The following NPAS3 variants were observed in gnomAD, a reference collection of about 807,000 sequenced individuals.
NPAS3 encodes neuronal PAS domain-containing protein 3.
A neutral mutation model predicts 73.1 loss-of-function variants in NPAS3; 14 were observed. The ratio of observed to expected loss-of-function variants is 0.19; its 90% CI spans 0.13 to 0.30. The LOEUF (loss-of-function observed/expected upper bound fraction) is 0.30, where lower values mean the gene tolerates loss of function less well. Among genes scored for constraint, NPAS3 ranks in the 10% least tolerant of loss-of-function variants. NPAS3 has a pLI of 1.00. For synonymous variants in NPAS3, 620 were observed against 541.5 expected (o/e 1.14, Z -2.01); for missense variants, 1,096 against 1,250.0 (o/e 0.88, Z 1.86).
intron 11 of NPAS3, among the ~76,000 whole-genome samples, chr14:33,799,004 G>A (rs933334084): frequency 1.1e-4 from 16 of 143,888 alleles, no homozygotes; most frequent in Non-Finnish European, 1.2e-4. Flanking sequence ...AATCAGCCAC[G>A]TGTGGTGGTG....
chr14:32,981,019 C>T (rs1402582491), intron 1 of NPAS3, among the ~76,000 whole-genome samples: 2 of 152,104 alleles, frequency 1.3e-5, no homozygotes, highest in Non-Finnish European at 2.9e-5. Flanking sequence ...TCCAGTGGTT[C>T]TTGCTGTTAG....
intron 1 of NPAS3, among the ~76,000 whole-genome samples, chr14:32,971,957 T>TTTTG (rs2037446418): frequency 6.7e-6 from 1 of 149,022 alleles, no homozygotes; most frequent in Non-Finnish European, 1.5e-5. Flanking sequence ...TTTTTTTTTT[T>TTTTG]GAGATGGAGT....
At chr14:33,518,308 T>C (rs1294403526) in intron 4 of NPAS3, among the ~76,000 whole-genome samples, 1 of 151,992 alleles carries the variant, frequency 6.6e-6, no homozygotes, top group Non-Finnish European at 1.5e-5. Context: ...GTGGGAGAGA[T>C]AGGAGTCAGT....
chr14:33,326,832 A>C (rs558425379), intron 3 of NPAS3, among the ~76,000 whole-genome samples: 84 of 152,300 alleles, frequency 5.5e-4, no homozygotes, highest in African/African-American at 1.9e-3. Context: ...TGAGCTTGCA[A>C]AGAAATGTCG....
At chr14:33,413,128 T>C (rs1324818061) in intron 4 of NPAS3, among the ~76,000 whole-genome samples, 2 of 152,196 alleles carry the variant, frequency 1.3e-5, no homozygotes, top group African/African-American at 4.8e-5. Context: ...TCAATTTATC[T>C]CTAGCCTAAA....
chr14:33,355,117 C>T (rs2140363378), intron 3 of NPAS3, among the ~76,000 whole-genome samples: 1 of 152,318 alleles, frequency 6.6e-6, no homozygotes, highest in Middle Eastern at 3.4e-3. Flanking sequence ...CCATGCCTTG[C>T]TCAGCAGTTT....
chr14:33,738,759 G>A (rs1386522221), intron 7 of NPAS3, among the ~76,000 whole-genome samples: 1 of 152,182 alleles, frequency 6.6e-6, no homozygotes, highest in Non-Finnish European at 1.5e-5. Flanking sequence ...TGCCTCAGGG[G>A]CTTCCCTGTT....
chr14:32,936,633 G>C (rs1014973895), upstream of NPAS3, among the ~76,000 whole-genome samples: 1 of 152,142 alleles, frequency 6.6e-6, no homozygotes, highest in African/African-American at 2.4e-5. Flanking sequence ...ATGTCAGATG[G>C]CCTTTGGAAG....
At chr14:33,744,109 T>C (rs2061723855) in intron 7 of NPAS3, among the ~76,000 whole-genome samples, 1 of 152,224 alleles carries the variant, frequency 6.6e-6, no homozygotes, top group Non-Finnish European at 1.5e-5. Flanking sequence ...AACTTTTCCT[T>C]TGCATTCACT....
chr14:33,292,960 G>T (rs1014551188), intron 3 of NPAS3, among the ~76,000 whole-genome samples: 2 of 152,106 alleles, frequency 1.3e-5, no homozygotes, highest in Non-Finnish European at 2.9e-5. Context: ...AGTTGCACAG[G>T]TATATGAGGA....
At chr14:33,752,978 A>T (rs2062008019) in intron 7 of NPAS3, among the ~76,000 whole-genome samples, 1 of 152,174 alleles carries the variant, frequency 6.6e-6, no homozygotes, top group South Asian at 2.1e-4. Context: ...TAAAAAGGAA[A>T]ATCATTGATG....
At chr14:33,088,123 T>C (rs2042098047) in intron 2 of NPAS3, among the ~76,000 whole-genome samples, 1 of 152,096 alleles carries the variant, frequency 6.6e-6, no homozygotes, top group Non-Finnish European at 1.5e-5. Flanking sequence ...ACACAGAAGA[T>C]GGGGGATTTC....
chr14:32,945,809 T>C (rs1484996178), intron 1 of NPAS3, among the ~76,000 whole-genome samples: 1 of 152,212 alleles, frequency 6.6e-6, no homozygotes, highest in Admixed American at 6.5e-5. Context: ...CCTCACCCTT[T>C]ACTATCCCAG....
intron 3 of NPAS3, among the ~76,000 whole-genome samples, chr14:33,345,658 A>G (rs946375219): frequency 6.6e-6 from 1 of 152,184 alleles, no homozygotes; most frequent in Non-Finnish European, 1.5e-5. Flanking sequence ...AGCCAGGTGG[A>G]AGGATACAGA....
At chr14:33,622,267 A>C (rs935832653) in intron 5 of NPAS3, among the ~76,000 whole-genome samples, 10 of 152,180 alleles carry the variant, frequency 6.6e-5, no homozygotes, top group African/African-American at 2.4e-4. Context: ...AAGTGGAACC[A>C]TAAGAAAGCG....
intron 2 of NPAS3, among the ~76,000 whole-genome samples, chr14:33,103,338 A>G (rs984582684): frequency 4.6e-5 from 7 of 152,148 alleles, no homozygotes; most frequent in African/African-American, 1.7e-4. Context: ...CTGAAAGTCA[A>G]TGGACATGGA....
chr14:32,979,421 A>G (rs567591850), intron 1 of NPAS3, among the ~76,000 whole-genome samples: 1 of 152,302 alleles, frequency 6.6e-6, no homozygotes, highest in Non-Finnish European at 1.5e-5. Context: ...TAATAATTGG[A>G]AAAAATCCTT....
At chr14:33,769,862 T>A (rs942051338) in intron 7 of NPAS3, among the ~76,000 whole-genome samples, 1 of 144,130 alleles carries the variant, frequency 6.9e-6, no homozygotes, top group Non-Finnish European at 1.5e-5. Flanking sequence ...TCTCCTAGGT[T>A]CAAGCAATCC....
chr14:33,404,064 G>C (rs2047559727), intron 4 of NPAS3, among the ~76,000 whole-genome samples: 1 of 152,126 alleles, frequency 6.6e-6, no homozygotes, highest in Non-Finnish European at 1.5e-5. Flanking sequence ...CTGGGAAGTG[G>C]GGGAATGGAG....
Sources: allele counts gnomAD v4.1 joint callset (sites outside exome capture counted in the v4.1 genomes callset), GRCh38; gene constraint gnomAD v4.1.1; transcripts MANE v1.5; gene names NCBI Gene and HGNC (gene_info 2026-07-23, HGNC 2026-07-21).